The following YWHAQ variants were observed in gnomAD, a reference collection of about 807,000 sequenced individuals.
YWHAQ encodes the protein 14-3-3 protein theta.
YWHAQ carries 6 observed loss-of-function variants against 28.3 expected under a neutral mutation model. The ratio of observed to expected loss-of-function variants is 0.21; its 90% CI spans 0.12 to 0.42. YWHAQ has a LOEUF of 0.42. YWHAQ is among the 10% of genes least tolerant of loss of function. The probability of loss-of-function intolerance (pLI) is 1.00; values close to 1 mark genes in which losing one functional copy is unlikely to be tolerated. For synonymous variants in YWHAQ, 143 were observed against 119.1 expected, an observed-to-expected ratio of 1.20 and a Z score of -1.31; for missense variants, 201 against 305.6, an observed-to-expected ratio of 0.66 and a Z score of 2.55.
chr2:9,591,796 C>G (rs1350672681), intron 2 of YWHAQ, among the ~76,000 whole-genome samples: 1 of 152,242 alleles, frequency 6.6e-6, no homozygotes, highest in Non-Finnish European at 1.5e-5. Context: ...TATCTGTTCA[C>G]TCATCCATTC....
intron 2 of YWHAQ, among the ~76,000 whole-genome samples, chr2:9,624,748 ACT>A (rs1055136761): frequency 1.6e-4 from 23 of 146,076 alleles, no homozygotes; most frequent in South Asian, 6.5e-4. Context: ...ATTCTATTTC[ACT>A]CTTTTTTTTT....
chr2:9,611,883 G>C (rs1459102598), intron 2 of YWHAQ, among the ~76,000 whole-genome samples: 1 of 152,160 alleles, frequency 6.6e-6, no homozygotes, highest in East Asian at 1.9e-4. Context: ...TGGCCAGGCT[G>C]GTCTCAAACT....
At position 9,585,162 on chromosome 2, in the gene YWHAQ, C is replaced by CTAT; in HGVS notation, c.*121_*123dup. On this transcript the variant is annotated 3_prime_UTR_variant, in exon 6 of 6. Transcript: ENST00000238081. ...TTCCCAAAGCTGCAGTGTGAAAAGA[C>CTAT]TATAAACAGTTGATTCCATACACAT... is the stretch of plus-strand genomic sequence containing the variant. 9.3e-7 allele frequency: 1 copy of CTAT among 1,079,616 alleles called. No individual in the cohort carries two copies. Among genetic ancestry groups the CTAT allele is most frequent in the Non-Finnish European group, 1.4e-6 (1 of 726,216 alleles). 66.9% of individuals were successfully genotyped at this position (1,079,616 alleles called of 1,614,324 possible). A position where few individuals can be genotyped will look rare whatever the true frequency, so the allele number is the denominator to read the frequency against.
chr2:9,599,315 G>T (rs1039169486), intron 2 of YWHAQ, among the ~76,000 whole-genome samples: 1 of 152,214 alleles, frequency 6.6e-6, no homozygotes, highest in East Asian at 1.9e-4. Flanking sequence ...TAGAGCTGCA[G>T]TAAGTTATCC....
chr2:9,606,706 T>C (rs1666836803), intron 2 of YWHAQ, among the ~76,000 whole-genome samples: 1 of 151,990 alleles, frequency 6.6e-6, no homozygotes, highest in South Asian at 2.1e-4. Flanking sequence ...ATTTCTGTAT[T>C]TTTACTAGAG....
rs531964742 is a variant in YWHAQ, at chr2:9,588,048, AAAAT to A, written c.582+113_582+116del. 4.5e-5 allele frequency: 57 copies of A among 1,266,460 alleles called. No homozygotes were observed. The African/African-American group carries it at 8.0e-4, about 18-fold the overall frequency. 78.5% of individuals were successfully genotyped at this position (1,266,460 alleles called of 1,614,324 possible). ...GATGGGAAGAAAAAGAGGAGATTTCAAAATAAATATAGTAGAAATCATCCCTGGG... is the reference window on the plus strand; with the variant it reads ...GATGGGAAGAAAAAGAGGAGATTTCAAAATATAGTAGAAATCATCCCTGGG... On this transcript the variant is annotated intron_variant, in intron 4 of 5. Transcript: ENST00000238081.
chr2:9,625,719 G>C (rs1667235945), intron 2 of YWHAQ, among the ~76,000 whole-genome samples: 1 of 152,130 alleles, frequency 6.6e-6, no homozygotes, highest in African/African-American at 2.4e-5. Context: ...TTAAAATAGT[G>C]TTTAGTGTGC....
At chr2:9,597,232 A>G (rs1285745726) in intron 2 of YWHAQ, among the ~76,000 whole-genome samples, 1 of 152,216 alleles carries the variant, frequency 6.6e-6, no homozygotes, top group Non-Finnish European at 1.5e-5. Flanking sequence ...GCAGTGAATC[A>G]CCTAAGACTT....
At chr2:9,621,302 T>C (rs936493688) in intron 2 of YWHAQ, among the ~76,000 whole-genome samples, 3 of 152,200 alleles carry the variant, frequency 2.0e-5, no homozygotes, top group African/African-American at 7.2e-5. Context: ...AAAAAAGTGA[T>C]GGTGCCAGTG....
intron 2 of YWHAQ, among the ~76,000 whole-genome samples, chr2:9,598,077 G>T (rs112219875): frequency 7.1e-6 from 1 of 140,852 alleles, no homozygotes; most frequent in Non-Finnish European, 1.5e-5. Context: ...CAGGTGGTCC[G>T]CCTGCCTTGG....
At chr2:9,606,912 T>C (rs1385920608) in intron 2 of YWHAQ, among the ~76,000 whole-genome samples, 1 of 149,774 alleles carries the variant, frequency 6.7e-6, no homozygotes, top group Non-Finnish European at 1.5e-5. Flanking sequence ...TGAGACAGAG[T>C]CTCACTCTGT....
intron 2 of YWHAQ, among the ~76,000 whole-genome samples, chr2:9,619,396 GA>G (rs1667095998): frequency 6.6e-6 from 1 of 152,014 alleles, no homozygotes; most frequent in Non-Finnish European, 1.5e-5. Flanking sequence ...AATAAGGCAT[GA>G]AAAACCCTAA....
chr2:9,594,986 C>T (rs1666541286), intron 2 of YWHAQ, among the ~76,000 whole-genome samples: 1 of 150,998 alleles, frequency 6.6e-6, no homozygotes, highest in Non-Finnish European at 1.5e-5. Context: ...CCTCTTCTTT[C>T]TAAAATTATT....
rs112116176 is a variant in YWHAQ, at chr2:9,598,011, T to G, written c.295-6496A>C. On this transcript the variant is annotated intron_variant, in intron 2 of 5. Coordinates refer to ENST00000238081, the MANE Select transcript of YWHAQ (RefSeq NM_006826.4). ...TTTTTTTTTTTTTTTTTTTTTTTTT[T>G]TTAGTAGAGACAAGGTTTCTCCATG... Among the ~76,000 whole-genome samples the G allele has an allele frequency of 3.8e-3, 522 of 136,974 alleles. 1 individual carries two copies. The highest frequency in any genetic ancestry group is 4.6e-3 in the South Asian group (20 of 4,312). The allele number at this position is 136,974 out of a possible 152,430, so 89.9% of individuals were successfully genotyped here. A position where few individuals can be genotyped will look rare whatever the true frequency, so the allele number is the denominator to read the frequency against.
chr2:9,602,829 TAAAAAAAAAAAAAAAAAAAAAAAAA>T lies in YWHAQ; in HGVS notation c.295-11339_295-11315del, dbSNP rs869073430. 2.7e-3 allele frequency among the ~76,000 whole-genome samples: 101 copies of T among 37,194 alleles called. 1 individual carries two copies. Among genetic ancestry groups the T allele is most frequent in the African/African-American group, 8.2e-3 (98 of 11,898 alleles). 24.4% of individuals were successfully genotyped at this position (37,194 alleles called of 152,430 possible). On this transcript the variant is annotated intron_variant, in intron 2 of 5. Transcript: ENST00000238081. ...CAGGTGTGAACCACCATGCCTAATT[TAAAAAAAAAAAAAAAAAAAAAAAAA>T]AAAAAAAAATATATATATATATATA... is the stretch of plus-strand genomic sequence containing the variant.
Position 9,630,258 on chromosome 2 carries a change from G to C in YWHAQ, c.195C>G (p.Ile65Met), listed in dbSNP as rs1217622207. The C allele has an allele frequency of 4.3e-6, 7 of 1,614,152 alleles. No individual in the cohort carries two copies. The South Asian group carries it at 5.5e-5, about 13-fold the overall frequency. Residue 65 changes from isoleucine (I) to methionine (M), a missense_variant, in exon 2 of 6, where the codon ATC becomes ATG. Coordinates refer to ENST00000238081, the MANE Select transcript of YWHAQ (RefSeq NM_006826.4). This position sits in a 1 kb window ranked among gnomAD's most constrained non-coding sequence, Gnocchi z 5.6. ...RRSAWRVISS[I>M]EQKTDTSDKK... ...TGTCGGAGGTGTCGGTCTTCTGCTC[G>C]ATGCTAGAGATGACCCTCCAGGCGG... is the stretch of plus-strand genomic sequence containing the variant.
chr2:9,630,178 G>T lies in YWHAQ; in HGVS notation c.275C>A (p.Ser92Tyr). The T allele has an allele frequency of 6.2e-7, 1 of 1,613,654 alleles. No homozygotes were observed. The highest frequency in any genetic ancestry group is 1.1e-5 in the South Asian group (1 of 91,064). Residue 92 changes from serine to tyrosine, a missense_variant, in exon 2 of 6, where the codon TCC (serine) becomes TAC (tyrosine). Ser to Tyr is a moderately radical substitution (Grantham distance 144). This residue lies in a region of YWHAQ where 162 missense variants were observed against 213.9 expected (regional missense o/e 0.76). Coordinates refer to ENST00000238081, the MANE Select transcript of YWHAQ (RefSeq NM_006826.4). This position sits in a 1 kb window ranked among gnomAD's most constrained non-coding sequence, Gnocchi z 5.6. The part of the protein sequence containing the change: ...YREKVESELR[S>Y]ICTTVLELLD... ...ACTCACCAGCACCGTGGTGCAGATG[G>T]ATCTCAGCTCGGACTCCACTTTCTC...
At chr2:9,595,856 T>G (rs573806834) in intron 2 of YWHAQ, among the ~76,000 whole-genome samples, 1 of 152,286 alleles carries the variant, frequency 6.6e-6, no homozygotes, top group Admixed American at 6.5e-5. Flanking sequence ...GGGCTAAGAC[T>G]GAAGGTCCCT....
At chr2:9,588,404 T>C in intron 3 of YWHAQ, 76 bp from the exon 4 acceptor site, 1 of 1,502,366 alleles carries the variant, frequency 6.7e-7, no homozygotes, top group South Asian at 1.3e-5. Context: ...AACTTGAACA[T>C]ATGCTACTAG....
Sources: allele counts gnomAD v4.1 joint callset (sites outside exome capture counted in the v4.1 genomes callset), GRCh38; gene constraint gnomAD v4.1.1; regional missense constraint gnomAD v4.1.1; non-coding constraint Gnocchi (gnomAD v3.1); transcripts MANE v1.5; gene names NCBI Gene and HGNC (gene_info 2026-07-23, HGNC 2026-07-21).